Variants in XYLT1 observed in about 807,000 individuals in gnomAD.
XYLT1 encodes the protein beta-D-xylosyltransferase 1.
Under a neutral mutation model 91.3 loss-of-function variants are expected in XYLT1, and 36 were observed. The observed-to-expected ratio is 0.39, with a 90% CI of 0.30 to 0.52. The LOEUF (loss-of-function observed/expected upper bound fraction) is 0.52. Ranked by LOEUF, XYLT1 falls within the 20% of genes least tolerant of loss-of-function variation. The probability of loss-of-function intolerance (pLI) is 0.68; values close to 1 mark genes in which losing one functional copy is unlikely to be tolerated. For synonymous variants in XYLT1, 588 were observed against 532.0 expected (o/e 1.11, Z -1.45); for missense variants, 1,242 against 1,284.5 (o/e 0.97, Z 0.51).
chr16:17,175,248 T>A lies in XYLT1; in HGVS notation c.1290-16339A>T, dbSNP rs550759806. 2.0e-5 allele frequency among the ~76,000 whole-genome samples: 3 copies of A among 152,232 alleles called. No individual in the cohort carries two copies. The South Asian group carries it at 6.2e-4, about 32-fold the overall frequency. On this transcript the variant is annotated intron_variant, in intron 5 of 11. Coordinates refer to ENST00000261381, the MANE Select transcript of XYLT1 (RefSeq NM_022166.4). ...CCTAATCCTCACAACCCCCCTAAAATAGGCAGCAGTAGCTCCATTTTACAA... is the reference window on the plus strand; with the variant it reads ...CCTAATCCTCACAACCCCCCTAAAAAAGGCAGCAGTAGCTCCATTTTACAA...
chr16:17,357,881 G>T, intron 2 of XYLT1, 131 bp downstream of exon 2: 2 of 910,446 alleles, frequency 2.2e-6, no homozygotes, highest in East Asian at 2.6e-5. Context: ...ACATGTGCAG[G>T]CACACACACA....
intron 1 of XYLT1, among the ~76,000 whole-genome samples, chr16:17,393,579 T>C (rs1360920991): frequency 6.6e-6 from 1 of 152,084 alleles, no homozygotes; most frequent in African/African-American, 2.4e-5. Context: ...AGATGCTAAA[T>C]GTTCACCAGC....
At position 17,134,459 on chromosome 16, in the gene XYLT1, C is replaced by T. The variant is rs2030625588; in HGVS notation, c.2027+14G>A. ...CTTCTCAGCTCTCCTCTCTGCATCC[C>T]ATATAGGGCTCACCGGCAGCTGTTC... On this transcript the variant is annotated intron_variant, in intron 9 of 11. Coordinates refer to ENST00000261381, the MANE Select transcript of XYLT1 (RefSeq NM_022166.4). The T allele has an allele frequency of 1.4e-5, 23 of 1,613,356 alleles. No individual in the cohort carries two copies. Among genetic ancestry groups the T allele is most frequent in the Non-Finnish European group, 1.9e-5 (22 of 1,179,768 alleles).
intron 2 of XYLT1, among the ~76,000 whole-genome samples, chr16:17,347,924 G>A (rs2035167347): frequency 6.6e-6 from 1 of 152,182 alleles, no homozygotes; most frequent in East Asian, 1.9e-4. Flanking sequence ...CACGGAGACA[G>A]TAGCTGCAGC....
At chr16:17,371,350 G>A (rs530340620) in intron 1 of XYLT1, among the ~76,000 whole-genome samples, 16 of 152,296 alleles carry the variant, frequency 1.1e-4, no homozygotes, top group African/African-American at 2.9e-4. Context: ...CAAAATCAAC[G>A]GAAACCCAAT....
chr16:17,425,398 A>G (rs2036304071), intron 1 of XYLT1, among the ~76,000 whole-genome samples: 1 of 152,218 alleles, frequency 6.6e-6, no homozygotes, highest in Non-Finnish European at 1.5e-5. Flanking sequence ...CCAATTATAT[A>G]GGACACCATG....
intron 2 of XYLT1, among the ~76,000 whole-genome samples, chr16:17,323,680 G>T (rs1052134431): frequency 6.6e-6 from 1 of 152,114 alleles, no homozygotes; most frequent in Non-Finnish European, 1.5e-5. Context: ...TCACTCCAGA[G>T]CTTACTGCCA....
At chr16:17,258,866 C>A in intron 3 of XYLT1, 122 bp downstream of exon 3, 1 of 1,220,804 alleles carries the variant, frequency 8.2e-7, no homozygotes, top group Non-Finnish European at 1.1e-6. Context: ...GTGTGCTCAT[C>A]TGGGGTTTGG....
At position 17,138,542 on chromosome 16, in the gene XYLT1, G is replaced by T. The variant is rs1567291523; in HGVS notation, c.1588-11C>A. 2 of 1,611,500 alleles carry T rather than the reference G, an allele frequency of 1.2e-6. No homozygotes were observed. Among genetic ancestry groups the T allele is most frequent in the South Asian group, 1.1e-5 (1 of 91,044 alleles). ...CGTATGGAAGAAGGACTGCAGGGGA[G>T]AGAGGGACCCAGCCTGAGACCTCTC... On this transcript the variant is annotated splice_polypyrimidine_tract_variant and intron_variant, in intron 7 of 11. Coordinates refer to ENST00000261381, the MANE Select transcript of XYLT1 (RefSeq NM_022166.4).
intron 6 of XYLT1, among the ~76,000 whole-genome samples, chr16:17,150,287 G>C (rs1270057344): frequency 6.6e-6 from 1 of 152,212 alleles, no homozygotes; most frequent in African/African-American, 2.4e-5. Flanking sequence ...CTGAGCTGGA[G>C]TCAATTGTTA....
At chr16:17,412,284 T>C (rs2036120124) in intron 1 of XYLT1, among the ~76,000 whole-genome samples, 1 of 151,680 alleles carries the variant, frequency 6.6e-6, no homozygotes. Context: ...ACTAGGTGAA[T>C]AGCACTCCTG....
At chr16:17,137,734 TACACAGA>T (rs914244686) in intron 8 of XYLT1, 9 of 152,098 alleles carry the variant, frequency 5.9e-5, no homozygotes, top group African/African-American at 2.2e-4. Flanking sequence ...CTCCTTCAAG[TACACAGA>T]ACACAGTGTT....
intron 2 of XYLT1, among the ~76,000 whole-genome samples, chr16:17,282,575 A>G (rs982800096): frequency 6.6e-6 from 1 of 152,208 alleles, no homozygotes; most frequent in African/African-American, 2.4e-5. Context: ...AGTTCTAGGA[A>G]GGGCACCGGC....
intron 10 of XYLT1, 129 bp from the exon 11 acceptor site, chr16:17,118,108 T>A: frequency 2.1e-6 from 2 of 933,188 alleles, no homozygotes; most frequent in Non-Finnish European, 3.1e-6. Flanking sequence ...AGGCTCCAAC[T>A]AAGTCACCTG....
chr16:17,318,336 C>T (rs571672945), intron 2 of XYLT1, among the ~76,000 whole-genome samples: 52 of 152,354 alleles, frequency 3.4e-4, no homozygotes, highest in African/African-American at 1.2e-3. Flanking sequence ...CCTGTTCAAA[C>T]AGCTAGACTT....
chr16:17,425,657 C>T (rs2036308392), intron 1 of XYLT1, among the ~76,000 whole-genome samples: 1 of 152,184 alleles, frequency 6.6e-6, no homozygotes, highest in African/African-American at 2.4e-5. Flanking sequence ...CTTCCTGCTG[C>T]TGTTCATTCC....
chr16:17,423,047 G>A (rs142340061), intron 1 of XYLT1, among the ~76,000 whole-genome samples: 12 of 152,286 alleles, frequency 7.9e-5, no homozygotes, highest in African/African-American at 2.6e-4. Flanking sequence ...ATCCAAATGT[G>A]GGACCTTCAA....
At chr16:17,415,471 C>T (rs1287050210) in intron 1 of XYLT1, among the ~76,000 whole-genome samples, 1 of 152,118 alleles carries the variant, frequency 6.6e-6, no homozygotes, top group Non-Finnish European at 1.5e-5. Context: ...GGGCGGATTG[C>T]CTAAGCTCAG....
chr16:17,467,878 G>A (rs1203899851), intron 1 of XYLT1, among the ~76,000 whole-genome samples: 2 of 152,046 alleles, frequency 1.3e-5, no homozygotes, highest in African/African-American at 4.8e-5. Context: ...AGAGCACTGA[G>A]CTAAAGCATC....
Sources: gnomAD v4.1 joint callset for allele counts (sites outside exome capture counted in the v4.1 genomes callset) on GRCh38, gnomAD v4.1.1 for gene constraint, MANE v1.5 for transcripts, NCBI Gene and HGNC (gene_info 2026-07-23, HGNC 2026-07-21) for gene names.